Variants in DLGAP2 observed in about 807,000 individuals in gnomAD.
DLGAP2 encodes DLG associated protein 2.
A neutral mutation model predicts 100.3 loss-of-function variants in DLGAP2; 26 were observed. The ratio of observed to expected loss-of-function variants is 0.26; its 90% CI spans 0.19 to 0.36. The LOEUF is 0.36. Ranked by LOEUF, DLGAP2 falls within the 10% of genes least tolerant of loss-of-function variation. The pLI, the probability that DLGAP2 is intolerant of heterozygous loss-of-function variation, is 1.00. For missense variants in DLGAP2, 1,858 were observed against 1,453.2 expected (o/e 1.28, Z -4.53); for synonymous variants, 886 against 630.1 (o/e 1.41, Z -6.08).
At chr8:997,439 A>G (rs1584957790) in intron 2 of DLGAP2, among the ~76,000 whole-genome samples, 1 of 152,316 alleles carries the variant, frequency 6.6e-6, no homozygotes, top group East Asian at 1.9e-4. Context: ...AATATAGAAA[A>G]CTACAGAGAA....
chr8:838,632 A>G (rs2132712654), intron 1 of DLGAP2, among the ~76,000 whole-genome samples: 1 of 152,306 alleles, frequency 6.6e-6, no homozygotes, highest in East Asian at 1.9e-4. Flanking sequence ...AAAAAGGGAA[A>G]AGCTCTTGTA....
intron 2 of DLGAP2, among the ~76,000 whole-genome samples, chr8:1,225,417 G>T (rs1452778570): frequency 5.9e-5 from 9 of 152,188 alleles, no homozygotes; most frequent in Admixed American, 5.9e-4. Flanking sequence ...ATTGCCAGCG[G>T]CAGAACAGAG....
chr8:931,075 AT>A (rs112153895), intron 2 of DLGAP2, among the ~76,000 whole-genome samples: 32 of 147,272 alleles, frequency 2.2e-4, no homozygotes, highest in African/African-American at 2.2e-4. Flanking sequence ...AAAAGGGAGG[AT>A]TTTTTTTTTT....
intron 3 of DLGAP2, among the ~76,000 whole-genome samples, chr8:1,303,069 G>A (rs1399434819): frequency 6.6e-6 from 1 of 152,196 alleles, no homozygotes; most frequent in Non-Finnish European, 1.5e-5. Flanking sequence ...GCAGGGGAGC[G>A]AGCGTCCTTG....
chr8:1,254,377 C>G (rs930382509), intron 2 of DLGAP2, among the ~76,000 whole-genome samples: 5 of 152,078 alleles, frequency 3.3e-5, no homozygotes, highest in African/African-American at 4.8e-5. Context: ...TCCTGACATG[C>G]ATGTTCACTC....
At chr8:1,561,330 C>A (rs2956902) in intron 5 of DLGAP2, among the ~76,000 whole-genome samples, 5 of 151,794 alleles carry the variant, frequency 3.3e-5, no homozygotes, top group African/African-American at 1.2e-4. Context: ...CCTTTCAGCG[C>A]GGTCTGTATT....
At chr8:1,268,647 G>C (rs960327765) in intron 3 of DLGAP2, among the ~76,000 whole-genome samples, 2 of 152,176 alleles carry the variant, frequency 1.3e-5, no homozygotes, top group African/African-American at 4.8e-5. Flanking sequence ...ATCTTCCTTA[G>C]CTCCAGGAAT....
At chr8:1,376,425 G>C (rs1237580151) in intron 3 of DLGAP2, among the ~76,000 whole-genome samples, 1 of 152,370 alleles carries the variant, frequency 6.6e-6, no homozygotes, top group East Asian at 1.9e-4. Context: ...TGGCCTCTGT[G>C]CCCACCTGCT....
chr8:921,126 C>G (rs536486371), intron 2 of DLGAP2, among the ~76,000 whole-genome samples: 1 of 152,300 alleles, frequency 6.6e-6, no homozygotes, highest in East Asian at 1.9e-4. Context: ...ATCTCCATCT[C>G]CTTCTGCGAG....
chr8:1,079,942 T>C (rs368921265), intron 2 of DLGAP2, among the ~76,000 whole-genome samples: 2 of 152,212 alleles, frequency 1.3e-5, no homozygotes, highest in East Asian at 3.9e-4. Context: ...GTAACAGTGC[T>C]GGAATGCACT....
chr8:1,387,060 T>A (rs6558463), intron 3 of DLGAP2, among the ~76,000 whole-genome samples: 81,968 of 151,884 alleles, frequency 0.54, 22,358 homozygotes, highest in East Asian at 0.7. Context: ...AGAGGGGAAC[T>A]AGATAACGGC....
chr8:1,195,329 T>C (rs1797728727), intron 2 of DLGAP2, among the ~76,000 whole-genome samples: 1 of 152,248 alleles, frequency 6.6e-6, no homozygotes, highest in East Asian at 1.9e-4. Flanking sequence ...GTCAGGGCTG[T>C]CTACCAGGCA....
chr8:1,631,468 C>G (rs1289502625), intron 7 of DLGAP2, among the ~76,000 whole-genome samples: 2 of 152,150 alleles, frequency 1.3e-5, no homozygotes, highest in Admixed American at 1.3e-4. Context: ...AATTTATGGT[C>G]CAGAAAAACA....
chr8:1,151,465 T>C (rs774149964), intron 2 of DLGAP2, among the ~76,000 whole-genome samples: 1 of 152,158 alleles, frequency 6.6e-6, no homozygotes, highest in African/African-American at 2.4e-5. Context: ...TTTGGGACGG[T>C]GAACACGTGC....
chr8:943,801 C>A (rs1366810183), intron 2 of DLGAP2, among the ~76,000 whole-genome samples: 1 of 152,282 alleles, frequency 6.6e-6, no homozygotes, highest in African/African-American at 2.4e-5. Context: ...ATCTAACGCA[C>A]TATTTAGTGA....
At chr8:1,303,651 C>T (rs557056878) in intron 3 of DLGAP2, among the ~76,000 whole-genome samples, 1 of 152,180 alleles carries the variant, frequency 6.6e-6, no homozygotes, top group Non-Finnish European at 1.5e-5. Flanking sequence ...ACACTCCTAA[C>T]TCCCCAACAC....
At chr8:1,200,094 G>A (rs913214130) in intron 2 of DLGAP2, among the ~76,000 whole-genome samples, 1 of 152,176 alleles carries the variant, frequency 6.6e-6, no homozygotes, top group African/African-American at 2.4e-5. Context: ...GATGGATGTA[G>A]GCTGAAGGGT....
Position 1,196,550 on chromosome 8 carries a change from A to G in DLGAP2, c.74-62301A>G, listed in dbSNP as rs1006763134. ...TTCATAGCATGGAGTTTCTCAGCTGATAAGCAAAAGAATAATGACAAAAAA... is the reference window on the plus strand; with the variant it reads ...TTCATAGCATGGAGTTTCTCAGCTGGTAAGCAAAAGAATAATGACAAAAAA... On this transcript the variant is annotated intron_variant, in intron 2 of 14. Coordinates refer to ENST00000637795, the MANE Select transcript of DLGAP2 (RefSeq NM_001346810.2). Among the ~76,000 whole-genome samples the G allele has an allele frequency of 5.3e-5, 8 of 152,334 alleles. No homozygotes were observed. In the East Asian group the frequency reaches 1.2e-3, roughly 22 times the overall value.
At chr8:949,807 C>T (rs7837410) in intron 2 of DLGAP2, among the ~76,000 whole-genome samples, 1 of 152,124 alleles carries the variant, frequency 6.6e-6, no homozygotes, top group African/African-American at 2.4e-5. Context: ...ACGCAGGTCA[C>T]GCGGGCCCTC....
Sources: gnomAD v4.1 joint callset for allele counts (sites outside exome capture counted in the v4.1 genomes callset) on GRCh38, gnomAD v4.1.1 for gene constraint, MANE v1.5 for transcripts, NCBI Gene and HGNC (gene_info 2026-07-23, HGNC 2026-07-21) for gene names.